CNTNAP4: variants seen among roughly 807,000 people sequenced by gnomAD.
The protein encoded by CNTNAP4 is contactin-associated protein-like 4.
In CNTNAP4, 98 loss-of-function variants were observed where a neutral mutation model predicts 148.4. That is an observed-to-expected ratio of 0.66 (90% confidence interval 0.56 to 0.78). The LOEUF (loss-of-function observed/expected upper bound fraction) is 0.78. Ranked by LOEUF, CNTNAP4 falls within the 30% of genes least tolerant of loss-of-function variation. CNTNAP4 has a pLI of 0.00. For synonymous variants in CNTNAP4, 730 were observed against 565.1 expected, an observed-to-expected ratio of 1.29 and a Z score of -4.14; for missense variants, 1,935 against 1,565.6, an observed-to-expected ratio of 1.24 and a Z score of -3.98.
intron 3 of CNTNAP4, among the ~76,000 whole-genome samples, chr16:76,355,986 T>C (rs111861344): frequency 0.022 from 3,319 of 152,038 alleles, 111 homozygotes; most frequent in African/African-American, 0.071. Context: ...GCGATTCTCC[T>C]ACTTCAGCCT....
At chr16:76,412,281 A>G (rs1208477391) in intron 3 of CNTNAP4, among the ~76,000 whole-genome samples, 3 of 151,488 alleles carry the variant, frequency 2.0e-5, no homozygotes, top group Non-Finnish European at 4.4e-5. Context: ...TGGGTCAATT[A>G]TGAATAATGC....
At position 76,351,520 on chromosome 16, in the gene CNTNAP4, G is replaced by A. The variant is rs367682840; in HGVS notation, c.197-3798G>A. Among the ~76,000 whole-genome samples the A allele has an allele frequency of 5.9e-5, 9 of 152,306 alleles. No homozygotes were observed. The South Asian group carries it at 1.7e-3, about 28-fold the overall frequency. On this transcript the variant is annotated intron_variant, in intron 2 of 23. Coordinates refer to ENST00000611870, the MANE Select transcript of CNTNAP4 (RefSeq NM_033401.5). ...CGCTAATACCATGTGCATCTGCAGA[G>A]CTGCGCAGCTTAAAACCCGGTAGAG...
intron 2 of CNTNAP4, among the ~76,000 whole-genome samples, chr16:76,336,767 T>G (rs1964061332): frequency 2.0e-5 from 3 of 152,202 alleles, no homozygotes; most frequent in Admixed American, 2.0e-4. Context: ...ACCTCCAGCT[T>G]TTGAGTTGAC....
chr16:76,441,347 C>T (rs552318804), intron 4 of CNTNAP4, among the ~76,000 whole-genome samples: 1 of 152,262 alleles, frequency 6.6e-6, no homozygotes, highest in Admixed American at 6.5e-5. Flanking sequence ...ACACAACTCC[C>T]TGAAAGATAT....
At chr16:76,512,995 T>A (rs151031975) in intron 15 of CNTNAP4, among the ~76,000 whole-genome samples, 688 of 152,202 alleles carry the variant, frequency 4.5e-3, no homozygotes, top group Non-Finnish European at 7.2e-3. Flanking sequence ...AAGCCTCAGA[T>A]AGATTCAAGG....
At chr16:76,528,078 A>T (rs1047781154) in intron 17 of CNTNAP4, among the ~76,000 whole-genome samples, 2 of 152,202 alleles carry the variant, frequency 1.3e-5, no homozygotes, top group Non-Finnish European at 2.9e-5. Context: ...AAATATAAAT[A>T]TGAAATGTTA....
In CNTNAP4 at chr16:76,452,693, C is replaced by T. The variant is rs151315964; in HGVS notation, c.1257C>T (p.Ile419=). ...AACTTCAGCTGATTTCAGGGGGTAT[C>T]CTCCTCTTTCTGAGTGATGGAAAAC... is the stretch of plus-strand genomic sequence containing the variant. The part of the protein sequence containing the change: ...FSELQLISGG[I]LLFLSDGKLK... The change falls in exon 8 of 24, where the codon ATC becomes ATT. Residue 419 remains isoleucine, a synonymous_variant. Transcript: ENST00000611870. 1.2e-6 allele frequency: 2 copies of T among 1,613,274 alleles called. No homozygotes were observed. The highest frequency in any genetic ancestry group is 1.7e-4 in the Middle Eastern group (1 of 6,054).
chr16:76,345,278 C>T lies in CNTNAP4; in HGVS notation c.197-10040C>T, dbSNP rs374712852. Among the ~76,000 whole-genome samples, 96 of 152,306 alleles carry T rather than the reference C, an allele frequency of 6.3e-4. 2 individuals are homozygous for T. In the South Asian group the frequency reaches 0.015, roughly 24 times the overall value. On this transcript the variant is annotated intron_variant, in intron 2 of 23. Coordinates refer to ENST00000611870, the MANE Select transcript of CNTNAP4 (RefSeq NM_033401.5). The stretch of plus-strand genomic sequence containing the variant: ...GACCCACATTCACTTCTAGGCAGTG[C>T]TCTTCAGCTTCTTCTCTTAGGCTCT...
chr16:76,284,710 C>A (rs1476555841), intron 1 of CNTNAP4, among the ~76,000 whole-genome samples: 3 of 151,916 alleles, frequency 2.0e-5, no homozygotes, highest in African/African-American at 7.2e-5. Flanking sequence ...AAATTTCTTC[C>A]ATGAGCTCTT....
intron 1 of CNTNAP4, among the ~76,000 whole-genome samples, chr16:76,305,255 T>A (rs1281644859): frequency 6.6e-6 from 1 of 152,200 alleles, no homozygotes; most frequent in African/African-American, 2.4e-5. Flanking sequence ...CCTGGTTTAA[T>A]TCTCATTTTG....
chr16:76,435,635 A>T (rs2079796678), intron 4 of CNTNAP4, among the ~76,000 whole-genome samples: 1 of 152,130 alleles, frequency 6.6e-6, no homozygotes, highest in African/African-American at 2.4e-5. Context: ...GGACCCTCCC[A>T]GCTGGGATGA....
At chr16:76,298,076 C>T (rs932649047) in intron 1 of CNTNAP4, among the ~76,000 whole-genome samples, 1 of 152,128 alleles carries the variant, frequency 6.6e-6, no homozygotes, top group Admixed American at 6.6e-5. Flanking sequence ...CTACATCTTC[C>T]CCATCTCTTT....
intron 1 of CNTNAP4, among the ~76,000 whole-genome samples, chr16:76,298,726 C>A (rs1322012611): frequency 5.9e-5 from 9 of 152,138 alleles, no homozygotes; most frequent in African/African-American, 9.7e-5. Context: ...GCCAACTGGA[C>A]TGCTGATCCT....
At chr16:76,470,831 C>T (rs1039189846) in intron 10 of CNTNAP4, among the ~76,000 whole-genome samples, 1 of 152,054 alleles carries the variant, frequency 6.6e-6, no homozygotes, top group African/African-American at 2.4e-5. Context: ...TACCACATGG[C>T]TATTCACACA....
At chr16:76,399,762 T>C (rs2078336904) in intron 3 of CNTNAP4, among the ~76,000 whole-genome samples, 1 of 152,250 alleles carries the variant, frequency 6.6e-6, no homozygotes, top group Admixed American at 6.5e-5. Context: ...ATTAAAACTT[T>C]GATGCATCTT....
chr16:76,355,254 C>A, intron 2 of CNTNAP4, 64 bp from the exon 3 acceptor site: 1 of 1,285,256 alleles, frequency 7.8e-7, no homozygotes, highest in Non-Finnish European at 1.0e-6. Flanking sequence ...CATTTCTTTA[C>A]AAACATAGAT....
intron 17 of CNTNAP4, among the ~76,000 whole-genome samples, chr16:76,534,869 C>T (rs897444631): frequency 6.6e-6 from 1 of 152,160 alleles, no homozygotes; most frequent in Non-Finnish European, 1.5e-5. Context: ...TTGATAGGTA[C>T]ATATGGTTAT....
In CNTNAP4 at chr16:76,340,902, C is replaced by T. The variant is rs576006649; in HGVS notation, c.197-14416C>T. Among the ~76,000 whole-genome samples, 6 of 152,312 alleles carry T rather than the reference C, an allele frequency of 3.9e-5. No homozygotes were observed. In the East Asian group the frequency reaches 7.7e-4, roughly 20 times the overall value. ...AGAATCCTCCAGTGGTGCTAATTTTCCCTTCTCCACTGTTTAGTATATCCT... is the reference window on the plus strand; with the variant it reads ...AGAATCCTCCAGTGGTGCTAATTTTTCCTTCTCCACTGTTTAGTATATCCT... On this transcript the variant is annotated intron_variant, in intron 2 of 23. Transcript: ENST00000611870.
At chr16:76,467,825 AT>A (rs1474003507) in intron 10 of CNTNAP4, among the ~76,000 whole-genome samples, 3 of 152,354 alleles carry the variant, frequency 2.0e-5, no homozygotes, top group South Asian at 4.1e-4. Context: ...TGTATTAAAA[AT>A]ATGTCATTAA....
Sources: gnomAD v4.1 joint callset for allele counts (sites outside exome capture counted in the v4.1 genomes callset) on GRCh38, gnomAD v4.1.1 for gene constraint, MANE v1.5 for transcripts, NCBI Gene and HGNC (gene_info 2026-07-23, HGNC 2026-07-21) for gene names.